The following WWTR1 variants were observed in gnomAD, a reference collection of about 807,000 sequenced individuals.
The protein encoded by WWTR1 is WW domain-containing transcription regulator protein 1.
Under a neutral mutation model 40.1 loss-of-function variants are expected in WWTR1, and 13 were observed. The ratio of observed to expected loss-of-function variants is 0.32; its 90% confidence interval spans 0.21 to 0.52. WWTR1 has a LOEUF of 0.52. WWTR1 is among the 20% of genes least tolerant of loss of function. The pLI is 0.97. For synonymous variants in WWTR1, 230 were observed against 210.1 expected, an observed-to-expected ratio of 1.09 and a Z score of -0.82; for missense variants, 436 against 523.1, an observed-to-expected ratio of 0.83 and a Z score of 1.63.
intron 2 of WWTR1, among the ~76,000 whole-genome samples, chr3:149,588,432 T>C (rs903126443): frequency 6.6e-6 from 1 of 152,218 alleles, no homozygotes; most frequent in African/African-American, 2.4e-5. Context: ...AATACAAGTA[T>C]GCAGAATGTA....
chr3:149,703,733 G>T (rs1023328266), upstream of WWTR1, among the ~76,000 whole-genome samples: 1 of 152,084 alleles, frequency 6.6e-6, no homozygotes, highest in African/African-American at 2.4e-5. Context: ...CACTCTATGA[G>T]TTCACAAGAG....
intron 2 of WWTR1, among the ~76,000 whole-genome samples, chr3:149,603,093 T>G (rs1204871817): frequency 6.6e-6 from 1 of 152,192 alleles, no homozygotes; most frequent in Admixed American, 6.5e-5. Flanking sequence ...GGGCAAGAAT[T>G]TTTAAGATCT....
In WWTR1 at chr3:149,542,524, T is replaced by G; in HGVS notation, c.582A>C (p.Gln194His). Residue 194 changes from glutamine (Q) to histidine (H), a missense_variant, in exon 4 of 7, where the codon CAA becomes CAC. By Grantham distance (24) the Gln-to-His change is conservative (BLOSUM62 0). Coordinates refer to ENST00000360632, the MANE Select transcript of WWTR1 (RefSeq NM_015472.6). Reference protein sequence around the residue: ...VSQPNLVMNHQHQQQMAPSTL... With the variant: ...VSQPNLVMNHHHQQQMAPSTL... Reference sequence around the variant, plus strand: ...TACTGGGGGCCATCTGCTGCTGGTGTTGGTGATTCATCACTGCAAGAGGGA... The same window carrying G: ...TACTGGGGGCCATCTGCTGCTGGTGGTGGTGATTCATCACTGCAAGAGGGA... The G allele has an allele frequency of 6.2e-7, 1 of 1,612,346 alleles. No homozygotes were observed. The highest frequency in any genetic ancestry group is 1.1e-5 in the South Asian group (1 of 90,650).
upstream of WWTR1, among the ~76,000 whole-genome samples, chr3:149,704,716 G>T (rs1715284233): frequency 6.6e-6 from 1 of 152,010 alleles, no homozygotes; most frequent in African/African-American, 2.4e-5. Flanking sequence ...TCATTCTAAA[G>T]ACAAAAGGTA....
intron 2 of WWTR1, among the ~76,000 whole-genome samples, chr3:149,610,886 T>C (rs1350267032): frequency 6.6e-6 from 1 of 152,038 alleles, no homozygotes; most frequent in Non-Finnish European, 1.5e-5. Flanking sequence ...CTCACACCTG[T>C]AATCCCAACA....
At chr3:149,617,819 A>G (rs1488217792) in intron 2 of WWTR1, among the ~76,000 whole-genome samples, 1 of 152,176 alleles carries the variant, frequency 6.6e-6, no homozygotes. Flanking sequence ...GTAAAATAAA[A>G]TAAAGTTCCA....
At chr3:149,677,772 A>T (rs6794307) in intron 1 of WWTR1, among the ~76,000 whole-genome samples, 53,132 of 151,836 alleles carry the variant, frequency 0.35, 10,072 homozygotes, top group Middle Eastern at 0.54. Context: ...TCTGGGAAGC[A>T]GAGGTTGCAG....
At chr3:149,661,517 G>T (rs2108174176), upstream of WWTR1, among the ~76,000 whole-genome samples, 1 of 152,052 alleles carries the variant, frequency 6.6e-6, no homozygotes, top group South Asian at 2.1e-4. Context: ...CACCTCCCAG[G>T]TTCAAGTGAT....
intron 2 of WWTR1, among the ~76,000 whole-genome samples, chr3:149,591,745 T>C (rs1348357767): frequency 6.6e-6 from 1 of 152,194 alleles, no homozygotes; most frequent in African/African-American, 2.4e-5. Context: ...CATTTCATTC[T>C]GGGTTAGGAA....
At chr3:149,521,133 G>T in intron 6 of WWTR1, 144 bp from the exon 7 acceptor site, 1 of 974,372 alleles carries the variant, frequency 1.0e-6, no homozygotes, top group Non-Finnish European at 1.4e-6. Context: ...ACAGAGATGT[G>T]GAAGAAATCG....
intron 2 of WWTR1, among the ~76,000 whole-genome samples, chr3:149,644,560 A>T (rs1423661558): frequency 6.6e-6 from 1 of 152,220 alleles, no homozygotes; most frequent in Non-Finnish European, 1.5e-5. Context: ...ACCCTGAGAC[A>T]TCCCATCAGG....
In WWTR1 at chr3:149,642,758, G is replaced by C. The variant is rs189246624; in HGVS notation, c.431+14118C>G. Among the ~76,000 whole-genome samples the C allele has an allele frequency of 1.0e-3, 152 of 149,546 alleles. 1 individual carries two copies. Among genetic ancestry groups the C allele is most frequent in the South Asian group, 6.4e-4 (3 of 4,704 alleles). On this transcript the variant is annotated intron_variant, in intron 2 of 6. Coordinates refer to ENST00000360632, the MANE Select transcript of WWTR1 (RefSeq NM_015472.6). ...CCACTGCACTCCAGCCTGGGCGACAGAGTGAGACTCCGTCTCAAAAAAAAA... is the reference window on the plus strand; with the variant it reads ...CCACTGCACTCCAGCCTGGGCGACACAGTGAGACTCCGTCTCAAAAAAAAA...
intron 2 of WWTR1, among the ~76,000 whole-genome samples, chr3:149,666,484 C>T (rs1713823548): frequency 6.6e-6 from 1 of 152,178 alleles, no homozygotes; most frequent in South Asian, 2.1e-4. Context: ...CCACACAATA[C>T]ATCCTAATTT....
chr3:149,601,107 A>G (rs1397514700), intron 2 of WWTR1, among the ~76,000 whole-genome samples: 1 of 152,220 alleles, frequency 6.6e-6, no homozygotes, highest in African/African-American at 2.4e-5. Context: ...ACATAGACCT[A>G]TGCTCAGGCT....
At chr3:149,605,758 G>GGT (rs1739454363) in intron 2 of WWTR1, among the ~76,000 whole-genome samples, 1 of 152,056 alleles carries the variant, frequency 6.6e-6, no homozygotes, top group Non-Finnish European at 1.5e-5. Flanking sequence ...TCAAGCCCCA[G>GGT]CCACCCCATG....
intron 2 of WWTR1, among the ~76,000 whole-genome samples, chr3:149,609,316 G>A (rs1346468702): frequency 6.6e-6 from 1 of 152,142 alleles, no homozygotes. Context: ...GGTACAGAAT[G>A]TGTAATGTGT....
rs534904283 is a variant in WWTR1, at chr3:149,688,735, T to C, written c.-108+14389A>G. Among the ~76,000 whole-genome samples the C allele has an allele frequency of 3.2e-4, 49 of 152,252 alleles. No individual in the cohort carries two copies. In the Middle Eastern group the frequency reaches 0.01, roughly 32 times the overall value. The stretch of plus-strand genomic sequence containing the variant: ...TACCTAACTCCTCAGTACCCAGACA[T>C]TGATGAATATTCACAAGCATCAAGA... On this transcript the variant is annotated intron_variant, in intron 1 of 7. Transcript: ENST00000465804.
At chr3:149,593,388 CTTT>C (rs549589219) in intron 2 of WWTR1, among the ~76,000 whole-genome samples, 2 of 144,476 alleles carry the variant, frequency 1.4e-5, no homozygotes, top group African/African-American at 2.5e-5. Context: ...AGTTTTCTTT[CTTT>C]TTTTTTTTTT....
chr3:149,653,705 G>A (rs1713030771), intron 2 of WWTR1, among the ~76,000 whole-genome samples: 1 of 152,052 alleles, frequency 6.6e-6, no homozygotes, highest in Non-Finnish European at 1.5e-5. Context: ...TTCCCATTAA[G>A]TTCATTGTTT....
Sources: gnomAD v4.1 joint callset for allele counts (sites outside exome capture counted in the v4.1 genomes callset) on GRCh38, gnomAD v4.1.1 for gene constraint, MANE v1.5 for transcripts, NCBI Gene and HGNC (gene_info 2026-07-23, HGNC 2026-07-21) for gene names.